CARMIL1: variants seen among roughly 807,000 people sequenced by gnomAD.
CARMIL1 encodes capping protein regulator and myosin 1 linker 1.
Under a neutral mutation model 177.1 loss-of-function variants are expected in CARMIL1, and 90 were observed. That is an observed-to-expected ratio of 0.51 (90% CI 0.43 to 0.61). The LOEUF (loss-of-function observed/expected upper bound fraction) is 0.61. Ranked by LOEUF, CARMIL1 falls within the 20% of genes least tolerant of loss-of-function variation. The pLI, the probability that CARMIL1 is intolerant of heterozygous loss-of-function variation, is 0.00. For missense variants in CARMIL1, 1,380 were observed against 1,667.0 expected (o/e 0.83, Z 3.00); for synonymous variants, 577 against 606.2 (o/e 0.95, Z 0.71).
intron 8 of CARMIL1, among the ~76,000 whole-genome samples, chr6:25,463,478 C>T (rs1329483393): frequency 6.6e-6 from 1 of 152,172 alleles, no homozygotes; most frequent in East Asian, 1.9e-4. Flanking sequence ...CTGAAAATGA[C>T]TTCATCTATG....
At chr6:25,290,872 AAGTG>A (rs1781904364) in intron 2 of CARMIL1, among the ~76,000 whole-genome samples, 1 of 152,170 alleles carries the variant, frequency 6.6e-6, no homozygotes, top group Non-Finnish European at 1.5e-5. Flanking sequence ...AGCCTTGCTC[AAGTG>A]ATTGCCTCTT....
chr6:25,586,128 C>T (rs993943686), intron 31 of CARMIL1, among the ~76,000 whole-genome samples: 6 of 148,772 alleles, frequency 4.0e-5, no homozygotes, highest in East Asian at 4.0e-4. Flanking sequence ...GACGGCTGGC[C>T]GGGCGGGGGG....
chr6:25,377,682 G>T (rs1003521000), intron 2 of CARMIL1, among the ~76,000 whole-genome samples: 6 of 152,178 alleles, frequency 3.9e-5, no homozygotes, highest in African/African-American at 1.4e-4. Context: ...AGTAGTAGAT[G>T]AACTGGTCAC....
chr6:25,314,068 A>C (rs1440041306), intron 2 of CARMIL1, among the ~76,000 whole-genome samples: 1 of 150,754 alleles, frequency 6.6e-6, no homozygotes, highest in African/African-American at 2.4e-5. Flanking sequence ...AAAGGATATA[A>C]AAAAATCCTG....
At chr6:25,291,939 C>T (rs1419030913) in intron 2 of CARMIL1, among the ~76,000 whole-genome samples, 3 of 152,132 alleles carry the variant, frequency 2.0e-5, no homozygotes, top group African/African-American at 4.8e-5. Context: ...AAGCTTTATT[C>T]TGAGATCTGC....
chr6:25,384,856 G>A (rs75159491), intron 2 of CARMIL1, among the ~76,000 whole-genome samples: 1,967 of 152,030 alleles, frequency 0.013, 70 homozygotes, highest in East Asian at 0.13. Flanking sequence ...TTTTCCTCTC[G>A]GCAAGCCTAA....
At chr6:25,373,392 CTTTT>C (rs36050000) in intron 2 of CARMIL1, among the ~76,000 whole-genome samples, 4 of 122,910 alleles carry the variant, frequency 3.3e-5, no homozygotes, top group Admixed American at 7.9e-5. Flanking sequence ...TGGCCTTCGG[CTTTT>C]TTTTTTTTTT....
chr6:25,284,517 C>T (rs1440256367), intron 1 of CARMIL1, among the ~76,000 whole-genome samples: 2 of 152,218 alleles, frequency 1.3e-5, no homozygotes, highest in African/African-American at 4.8e-5. Flanking sequence ...CAAGACCAGC[C>T]TGACCAACAT....
At chr6:25,563,662 C>T in intron 29 of CARMIL1, 1 of 985,120 alleles carries the variant, frequency 1.0e-6, no homozygotes, top group Non-Finnish European at 1.2e-6. Context: ...TGCTTATTGT[C>T]CATCCATCAT....
At chr6:25,451,920 AT>A in intron 8 of CARMIL1, 1 of 590,348 alleles carries the variant, frequency 1.7e-6, no homozygotes, top group South Asian at 2.0e-5. Flanking sequence ...CATTTGTGCC[AT>A]TTGGACAACT....
intron 8 of CARMIL1, among the ~76,000 whole-genome samples, chr6:25,459,269 T>TCTTTCTCTTTC (rs56094712): frequency 1.7e-5 from 2 of 118,158 alleles, no homozygotes; most frequent in African/African-American, 6.4e-5. Context: ...TTTCTTTCTT[T>TCTTTCTCTTTC]TTTTTTTTTT....
intron 9 of CARMIL1, among the ~76,000 whole-genome samples, chr6:25,470,698 C>G (rs1442956787): frequency 2.0e-5 from 3 of 152,134 alleles, no homozygotes; most frequent in East Asian, 3.8e-4. Context: ...GGTGAGGGCA[C>G]AGTTTCTTGT....
At chr6:25,288,824 A>G (rs1781723547) in intron 2 of CARMIL1, among the ~76,000 whole-genome samples, 1 of 152,170 alleles carries the variant, frequency 6.6e-6, no homozygotes, top group Admixed American at 6.5e-5. Flanking sequence ...TTCCTAAGGT[A>G]TGCTCTCCTC....
At chr6:25,590,033 T>G (rs1211663665) in intron 31 of CARMIL1, among the ~76,000 whole-genome samples, 1 of 152,168 alleles carries the variant, frequency 6.6e-6, no homozygotes, top group African/African-American at 2.4e-5. Context: ...GAATCATATT[T>G]CCATCCCCAG....
intron 2 of CARMIL1, among the ~76,000 whole-genome samples, chr6:25,325,065 AGT>A (rs1466608685): frequency 1.3e-5 from 2 of 152,094 alleles, no homozygotes; most frequent in African/African-American, 4.8e-5. Flanking sequence ...CATTAGTTCT[AGT>A]GTGATGAATA....
At position 25,492,028 on chromosome 6, in the gene CARMIL1, T is replaced by C. The variant is rs1351648843; in HGVS notation, c.1220+4T>C. 6.2e-7 allele frequency: 1 copy of C among 1,609,070 alleles called. No homozygotes were observed. The highest frequency in any genetic ancestry group is 8.5e-7 in the Non-Finnish European group (1 of 1,176,026). On this transcript the variant is annotated splice_donor_region_variant and intron_variant, in intron 15 of 36. Transcript: ENST00000329474. ...CCAGAACTGTCTTCTCTCACCGGTA[T>C]AGATTTATTTCTGCTCTCATTGTCA...
chr6:25,354,140 A>G (rs971772464), intron 2 of CARMIL1, among the ~76,000 whole-genome samples: 1 of 152,102 alleles, frequency 6.6e-6, no homozygotes, highest in African/African-American at 2.4e-5. Context: ...TCAATTAAAT[A>G]TAAGTGGAAG....
intron 8 of CARMIL1, chr6:25,452,330 GT>G: frequency 1.4e-6 from 1 of 693,392 alleles, no homozygotes. Flanking sequence ...TCATAAAAAA[GT>G]GAACTGAGAA....
rs1316706715 is a variant in CARMIL1 at position 25,558,510 on chromosome 6, G to A, written c.2742+1660G>A. On this transcript the variant is annotated intron_variant, in intron 29 of 36. Coordinates refer to ENST00000329474, the MANE Select transcript of CARMIL1 (RefSeq NM_017640.6). This position sits in a 1 kb window ranked among gnomAD's most constrained non-coding sequence, Gnocchi z 4.1. ...TGTTTGTTTTAAGTGAGTGAGTTGA[G>A]GGTGGAGGAAAGGAATAATTTTAAA... Among the ~76,000 whole-genome samples, 1 of 152,188 alleles carries A rather than the reference G, an allele frequency of 6.6e-6. No individual in the cohort carries two copies. The highest frequency in any genetic ancestry group is 6.5e-5 in the Admixed American group (1 of 15,278).
Sources: gnomAD v4.1 joint callset for allele counts (sites outside exome capture counted in the v4.1 genomes callset) on GRCh38, gnomAD v4.1.1 for gene constraint, Gnocchi (gnomAD v3.1) non-coding constraint, MANE v1.5 for transcripts, NCBI Gene and HGNC (gene_info 2026-07-23, HGNC 2026-07-21) for gene names.